Variants in C20orf203 observed in about 807,000 individuals in gnomAD.
C20orf203 encodes the protein chromosome 20 open reading frame 203, also known as uncharacterized protein C20orf203.
C20orf203 carries 16 observed loss-of-function variants against 15.9 expected under a neutral mutation model. The observed-to-expected ratio is 1.01, with a 90% CI of 0.68 to 1.53. C20orf203 has a LOEUF of 1.53. Ranked by LOEUF, C20orf203 falls within the 40% of genes most tolerant of loss-of-function variation. The probability of loss-of-function intolerance (pLI) is 0.00; values close to 1 mark genes in which losing one functional copy is unlikely to be tolerated. For missense variants in C20orf203, 263 were observed against 247.5 expected, an observed-to-expected ratio of 1.06 and a Z score of -0.42; for synonymous variants, 98 against 97.2, an observed-to-expected ratio of 1.01 and a Z score of -0.05.
Position 32,670,187 on chromosome 20 carries a change from G to C in C20orf203, c.-264+3445C>G, listed in dbSNP as rs931349457. 9.9e-5 allele frequency among the ~76,000 whole-genome samples: 15 copies of C among 151,808 alleles called. No individual in the cohort carries two copies. The East Asian group carries it at 2.3e-3, about 24-fold the overall frequency. On this transcript the variant is annotated intron_variant, in intron 1 of 5. Transcript: ENST00000608990. Reference sequence around the variant, plus strand: ...ATTGAGCCACTGCACTCCAGCCTGGGTAACAACAGTGAAACTGCGTTTCAA... The same window carrying C: ...ATTGAGCCACTGCACTCCAGCCTGGCTAACAACAGTGAAACTGCGTTTCAA...
intron 1 of C20orf203, among the ~76,000 whole-genome samples, chr20:32,662,946 A>G (rs1256814531): frequency 1.2e-4 from 17 of 137,686 alleles, no homozygotes; most frequent in African/African-American, 3.9e-4. Context: ...GATAGATATA[A>G]ATATAGTTTT....
At chr20:32,652,664 C>T (rs2145673476) in intron 1 of C20orf203, among the ~76,000 whole-genome samples, 1 of 152,056 alleles carries the variant, frequency 6.6e-6, no homozygotes, top group South Asian at 2.1e-4. Context: ...GTCCAGACCC[C>T]CAGCATGAAT....
intron 1 of C20orf203, among the ~76,000 whole-genome samples, chr20:32,665,390 C>A (rs1235271729): frequency 6.6e-6 from 1 of 152,172 alleles, no homozygotes; most frequent in Non-Finnish European, 1.5e-5. Context: ...GAGCAGAGAG[C>A]CTGTGCTCAG....
At chr20:32,665,627 G>A (rs1388120107) in intron 1 of C20orf203, among the ~76,000 whole-genome samples, 1 of 152,162 alleles carries the variant, frequency 6.6e-6, no homozygotes, top group Non-Finnish European at 1.5e-5. Context: ...AACCACAAGT[G>A]TGAGCCACAC....
rs1017773333 is a variant in C20orf203, at chr20:32,651,039, T to G, written c.114A>C (p.Thr38=). 4.6e-6 allele frequency: 7 copies of G among 1,510,128 alleles called. No individual in the cohort carries two copies. Among genetic ancestry groups the G allele is most frequent in the Admixed American group, 4.5e-5 (2 of 44,704 alleles). The allele number at this position is 1,510,128 out of a possible 1,614,324, so 93.5% of individuals were successfully genotyped here. A position where few individuals can be genotyped will look rare whatever the true frequency, so the allele number is the denominator to read the frequency against. ...WPPRLASFPF[T]KTGMLSRATS... ...TTACCCGGCTCAGCATTCCAGTTTTTGTAAAGGGAAAACTGGCCAGGCGAG... is the reference window on the plus strand; with the variant it reads ...TTACCCGGCTCAGCATTCCAGTTTTGGTAAAGGGAAAACTGGCCAGGCGAG... The change falls in exon 3 of 6, where the codon ACA becomes ACC. Residue 38 remains threonine (T), a synonymous_variant. Coordinates refer to ENST00000608990, the MANE Select transcript of C20orf203 (RefSeq NM_182584.4).
At chr20:32,668,094 C>T (rs1394836332) in intron 1 of C20orf203, among the ~76,000 whole-genome samples, 1 of 152,190 alleles carries the variant, frequency 6.6e-6, no homozygotes, top group African/African-American at 2.4e-5. Context: ...CTTAATTCTT[C>T]TGGACTTCCA....
intron 4 of C20orf203, among the ~76,000 whole-genome samples, chr20:32,646,452 C>T (rs188594173): frequency 2.1e-3 from 318 of 152,250 alleles, no homozygotes; most frequent in Middle Eastern, 3.4e-3. Flanking sequence ...GTGATCCACC[C>T]GCCTTGGCCT....
At position 32,650,308 on chromosome 20, in the gene C20orf203, G is replaced by A. The variant is rs187868533; in HGVS notation, c.*124C>T. 8 of 709,278 alleles carry A rather than the reference G, an allele frequency of 1.1e-5. No individual in the cohort carries two copies. In the African/African-American group the frequency reaches 1.4e-4, roughly 13 times the overall value. The allele number at this position is 709,278 out of a possible 1,614,324, so 43.9% of individuals were successfully genotyped here. On this transcript the variant is annotated 3_prime_UTR_variant, in exon 4 of 6. Transcript: ENST00000608990. ...CTTGAGGTTTCAGCTGGGCGTGCCG[G>A]GCCCATCCCCCACTCTGGGGAGCAG...
At chr20:32,659,001 G>C (rs1016889196) in intron 1 of C20orf203, among the ~76,000 whole-genome samples, 1 of 151,836 alleles carries the variant, frequency 6.6e-6, no homozygotes, top group East Asian at 1.9e-4. Flanking sequence ...TCAGCCTCCC[G>C]AGTAGCTGGG....
At chr20:32,645,743 C>A (rs1166071731) in intron 4 of C20orf203, among the ~76,000 whole-genome samples, 1 of 152,230 alleles carries the variant, frequency 6.6e-6, no homozygotes, top group Non-Finnish European at 1.5e-5. Flanking sequence ...TTCCTTCATC[C>A]CTGGCAGCAG....
At chr20:32,636,444 T>C (rs1982140845) in intron 5 of C20orf203, among the ~76,000 whole-genome samples, 1 of 152,190 alleles carries the variant, frequency 6.6e-6, no homozygotes, top group South Asian at 2.1e-4. Flanking sequence ...TGCTCCCCTC[T>C]GCCTTTGGCC....
chr20:32,648,705 G>A (rs1254289327), intron 4 of C20orf203, among the ~76,000 whole-genome samples: 1 of 151,560 alleles, frequency 6.6e-6, no homozygotes, highest in Non-Finnish European at 1.5e-5. Context: ...GCCTGCCTCG[G>A]CCTCTCAAAG....
At position 32,632,746 on chromosome 20, in the gene C20orf203, G is replaced by A. The variant is rs999984481; in HGVS notation, c.*2824C>T. 1 of 152,160 alleles carries A rather than the reference G, an allele frequency of 6.6e-6. No individual in the cohort carries two copies. The highest frequency in any genetic ancestry group is 2.4e-5 in the African/African-American group (1 of 41,430). The allele number at this position is 152,160 out of a possible 1,614,324, so 9.4% of individuals were successfully genotyped here. On this transcript the variant is annotated 3_prime_UTR_variant, in exon 6 of 6. Coordinates refer to ENST00000608990, the MANE Select transcript of C20orf203 (RefSeq NM_182584.4). ...CTGCCTTTTCCATAGGCTTATTTCT[G>A]TTCTGCACAACAGCCCTGGGAGGCA...
chr20:32,663,255 T>C (rs1982937458), intron 1 of C20orf203, among the ~76,000 whole-genome samples: 2 of 151,848 alleles, frequency 1.3e-5, no homozygotes, highest in Non-Finnish European at 2.9e-5. Context: ...GCTAGATTTA[T>C]ATTTTTACGT....
At chr20:32,663,136 G>A (rs1262765723) in intron 1 of C20orf203, among the ~76,000 whole-genome samples, 1 of 151,858 alleles carries the variant, frequency 6.6e-6, no homozygotes, top group Non-Finnish European at 1.5e-5. Context: ...TTGTAGTAGA[G>A]ACGGGGTTTC....
chr20:32,650,877 G>T lies in C20orf203; in HGVS notation c.140C>A (p.Thr47Lys), dbSNP rs1047427204. ...GGCAGTGAGTCCAGCCAAGACTGAT[G>T]TGGCCTGTTGGGAACAAGGCCCCCA... is the stretch of plus-strand genomic sequence containing the variant. ...FTKTGMLSRA[T>K]SVLAGLTAHL... The change falls in exon 4 of 6, where the codon ACA (threonine) becomes AAA (lysine). Residue 47 changes from threonine to lysine, a missense_variant. Thr to Lys is a moderately conservative substitution (Grantham distance 78). Transcript: ENST00000608990. 26 of 1,449,884 alleles carry T rather than the reference G, an allele frequency of 1.8e-5. No homozygotes were observed. Among genetic ancestry groups the T allele is most frequent in the Non-Finnish European group, 2.3e-5 (25 of 1,099,028 alleles). The allele number at this position is 1,449,884 out of a possible 1,614,324, so 89.8% of individuals were successfully genotyped here.
chr20:32,643,625 C>CCACACACA lies in C20orf203; in HGVS notation c.*1178-2946_*1178-2939dup, dbSNP rs56325748. Among the ~76,000 whole-genome samples, 155 of 140,846 alleles carry CCACACACA rather than the reference C, an allele frequency of 1.1e-3. 1 individual carries two copies. Among genetic ancestry groups the CCACACACA allele is most frequent in the South Asian group, 5.2e-3 (21 of 4,070 alleles). 92.4% of individuals were successfully genotyped at this position (140,846 alleles called of 152,430 possible). A position where few individuals can be genotyped will look rare whatever the true frequency, so the allele number is the denominator to read the frequency against. On this transcript the variant is annotated intron_variant, in intron 4 of 5. Transcript: ENST00000608990. ...GTGTAGACCCAGCCGCTTCCTGGAA[C>CCACACACA]CACACACACACACACACACACACAC...
intron 1 of C20orf203, among the ~76,000 whole-genome samples, chr20:32,673,083 G>A (rs1282584206): frequency 1.3e-5 from 2 of 152,154 alleles, no homozygotes; most frequent in African/African-American, 4.8e-5. Flanking sequence ...TAAGGGCTGG[G>A]CATCTCTCTG....
At chr20:32,671,582 C>T (rs1337291117) in intron 1 of C20orf203, among the ~76,000 whole-genome samples, 1 of 152,060 alleles carries the variant, frequency 6.6e-6, no homozygotes, top group Non-Finnish European at 1.5e-5. Flanking sequence ...GTGGCTCACG[C>T]CTATAATCCC....
Sources: allele counts gnomAD v4.1 joint callset (sites outside exome capture counted in the v4.1 genomes callset), GRCh38; gene constraint gnomAD v4.1.1; transcripts MANE v1.5; gene names NCBI Gene and HGNC (gene_info 2026-07-23, HGNC 2026-07-21).